PIGV: variants seen among roughly 807,000 people sequenced by gnomAD.
PIGV encodes GPI alpha-1,6-mannosyltransferase 2.
PIGV carries 27 observed loss-of-function variants against 39.2 expected under a neutral mutation model. That is an observed-to-expected ratio of 0.69 (90% CI 0.51 to 0.95). The LOEUF (loss-of-function observed/expected upper bound fraction) is 0.95, where lower values mean the gene tolerates loss of function less well. Among genes scored for constraint, PIGV ranks in the 40% least tolerant of loss-of-function variants. The pLI, the probability that PIGV is intolerant of heterozygous loss-of-function variation, is 0.00. For missense variants in PIGV, 523 were observed against 586.4 expected, an observed-to-expected ratio of 0.89 and a Z score of 1.12; for synonymous variants, 232 against 241.7, an observed-to-expected ratio of 0.96 and a Z score of 0.37.
chr1:26,798,673 C>CT lies in PIGV; in HGVS notation c.*830dup, dbSNP rs1477586638. Among the ~76,000 whole-genome samples, 2 of 152,222 alleles carry CT rather than the reference C, an allele frequency of 1.3e-5. No homozygotes were observed. The highest frequency in any genetic ancestry group is 4.8e-5 in the African/African-American group (2 of 41,468). On this transcript the variant is annotated 3_prime_UTR_variant, in exon 4 of 4. Coordinates refer to ENST00000674202, the MANE Select transcript of PIGV (RefSeq NM_017837.4). The stretch of plus-strand genomic sequence containing the variant: ...AGTGAGCTGAGTTTGCGCCACTGCG[C>CT]TCCAGCCTGGGCAACAGAGTGAGGC...
chr1:26,787,412 G>A (rs939462268), upstream of PIGV: 31 of 152,210 alleles, frequency 2.0e-4, no homozygotes, highest in African/African-American at 7.5e-4. Context: ...GACTAAAGTA[G>A]GACAGAAGGT....
At chr1:26,791,241 G>T (rs915777848) in intron 2 of PIGV, among the ~76,000 whole-genome samples, 2 of 152,174 alleles carry the variant, frequency 1.3e-5, no homozygotes, top group African/African-American at 4.8e-5. Flanking sequence ...CTTATAGGGT[G>T]GGACAGCTCA....
At chr1:26,790,917 G>A (rs780963384) in intron 2 of PIGV, 24 bp downstream of exon 2, 1 of 1,591,482 alleles carries the variant, frequency 6.3e-7, no homozygotes, top group Non-Finnish European at 8.6e-7. Context: ...CCTTTGTCCT[G>A]AATGTGCTAT....
chr1:26,799,098 G>T lies in PIGV; in HGVS notation c.*1254G>T, dbSNP rs2081422889. Among the ~76,000 whole-genome samples, 2 of 152,188 alleles carry T rather than the reference G, an allele frequency of 1.3e-5. No individual in the cohort carries two copies. Among genetic ancestry groups the T allele is most frequent in the South Asian group, 4.1e-4 (2 of 4,826 alleles). On this transcript the variant is annotated 3_prime_UTR_variant, in exon 4 of 4. Transcript: ENST00000674202. ...AAAATATCCAGTTCTCCTGTTTTCA[G>T]CAATTAGAAGAAACTCCTCCTCCAC...
At position 26,790,649 on chromosome 1, in the gene PIGV, T is replaced by C. The variant is rs1016161082; in HGVS notation, c.-57-110T>C. 9.9e-5 allele frequency: 63 copies of C among 637,128 alleles called. No homozygotes were observed. In the African/African-American group the frequency reaches 1.1e-3, roughly 11 times the overall value. 39.5% of individuals were successfully genotyped at this position (637,128 alleles called of 1,614,324 possible). On this transcript the variant is annotated intron_variant, in intron 1 of 3. Coordinates refer to ENST00000674202, the MANE Select transcript of PIGV (RefSeq NM_017837.4). ...CTTTCCCCTCATCTGGGAAGTTAGG[T>C]GGTTGGTTAAGTTTGTCATAGTAAT...
At chr1:26,796,279 C>T (rs950572343) in intron 3 of PIGV, among the ~76,000 whole-genome samples, 13 of 151,662 alleles carry the variant, frequency 8.6e-5, no homozygotes, top group Admixed American at 6.6e-5. Context: ...CGCCATTCTC[C>T]TGCCTCAGCC....
Position 26,797,942 on chromosome 1 carries a change from C to T in PIGV, c.*98C>T. On this transcript the variant is annotated 3_prime_UTR_variant, in exon 4 of 4. Coordinates refer to ENST00000674202, the MANE Select transcript of PIGV (RefSeq NM_017837.4). ...TGCCTCTGCTGCCCTGGGATCATTA[C>T]TGTGTCCATTATAATCTTTCTCTTT... The T allele has an allele frequency of 2.0e-6, 2 of 1,013,712 alleles. No homozygotes were observed. The highest frequency in any genetic ancestry group is 3.1e-6 in the Non-Finnish European group (2 of 641,050). The allele number at this position is 1,013,712 out of a possible 1,614,324, so 62.8% of individuals were successfully genotyped here. A position where few individuals can be genotyped will look rare whatever the true frequency, so the allele number is the denominator to read the frequency against.
intron 3 of PIGV, among the ~76,000 whole-genome samples, chr1:26,796,004 G>T (rs1051920145): frequency 6.7e-6 from 1 of 149,126 alleles, no homozygotes; most frequent in Non-Finnish European, 1.5e-5. Flanking sequence ...AATTCCAGGC[G>T]CCTGCCACCA....
At chr1:26,790,359 C>G (rs2081294070) in intron 1 of PIGV, among the ~76,000 whole-genome samples, 1 of 151,484 alleles carries the variant, frequency 6.6e-6, no homozygotes. Flanking sequence ...ACCATCATGA[C>G]AATTTTGTGA....
intron 3 of PIGV, 21 bp from the exon 4 acceptor site, chr1:26,797,542 T>C: frequency 6.2e-7 from 1 of 1,610,622 alleles, no homozygotes; most frequent in South Asian, 1.1e-5. Flanking sequence ...TGTCTGGATA[T>C]TCCCCTCTCA....
At chr1:26,788,328 G>A (rs2081264644) in intron 1 of PIGV, 60 bp downstream of exon 1, 1 of 152,386 alleles carries the variant, frequency 6.6e-6, no homozygotes, top group African/African-American at 2.4e-5. Flanking sequence ...GGCCAGAAAC[G>A]GGTTGCGGAC....
At chr1:26,796,195 G>T in intron 3 of PIGV, among the ~76,000 whole-genome samples, 1 of 143,090 alleles carries the variant, frequency 7.0e-6, no homozygotes, top group Non-Finnish European at 1.5e-5. Context: ...TTGAGACGGA[G>T]TCTTGCTCTG....
intron 2 of PIGV, among the ~76,000 whole-genome samples, chr1:26,792,072 G>A (rs1011252804): frequency 6.6e-6 from 1 of 152,110 alleles, no homozygotes; most frequent in Non-Finnish European, 1.5e-5. Flanking sequence ...TACCTATTGC[G>A]TTCCAAGAAC....
At chr1:26,789,800 AT>A (rs533958874) in intron 1 of PIGV, among the ~76,000 whole-genome samples, 29 of 150,498 alleles carry the variant, frequency 1.9e-4, no homozygotes, top group Non-Finnish European at 3.6e-4. Context: ...CTCAGTTCAA[AT>A]TTTTTTTTTC....
rs202211728 is a variant in PIGV at position 26,794,603 on chromosome 1, G to A, written c.569G>A (p.Trp190Ter). Reference protein sequence around the residue: ...AMGQLERGRVWTSVLLFAFAT... With the variant: ...AMGQLERGRV ...GGGCAGCTGGAGAGGGGCCGAGTCT[G>A]GACTAGTGTACTCCTCTTTGCCTTT... Residue 190 changes from tryptophan to a stop codon, truncating the protein, a stop_gained, in exon 3 of 4, where the codon TGG becomes TAG. Transcript: ENST00000674202. LOFTEE classifies it high-confidence loss of function. 1 of 1,614,240 alleles carries A rather than the reference G, an allele frequency of 6.2e-7. No homozygotes were observed. The highest frequency in any genetic ancestry group is 2.2e-5 in the East Asian group (1 of 44,888).
rs748692274 is a variant in PIGV at position 26,790,848 on chromosome 1, G to A, written c.33G>A (p.Val11=). Residue 11 remains valine (V), a synonymous_variant, in exon 2 of 4, where the codon GTG becomes GTA. Coordinates refer to ENST00000674202, the MANE Select transcript of PIGV (RefSeq NM_017837.4). The part of the protein sequence containing the change: MWPQDPSRKE[V]LRFAVSCRIL... ...CCCAGGACCCATCCCGGAAGGAGGT[G>A]CTGAGGTTTGCAGTCAGCTGCCGTA... is the stretch of plus-strand genomic sequence containing the variant. The A allele has an allele frequency of 3.1e-6, 5 of 1,614,028 alleles. No homozygotes were observed. The highest frequency in any genetic ancestry group is 2.2e-5 in the East Asian group (1 of 44,902).
rs748710132 is a variant in PIGV at position 26,797,843 on chromosome 1, G to C, written c.1481G>C (p.Ter494SerextTer74). 1.5e-5 allele frequency: 24 copies of C among 1,613,972 alleles called. No individual in the cohort carries two copies. Among genetic ancestry groups the C allele is most frequent in the Non-Finnish European group, 1.9e-5 (23 of 1,180,008 alleles). The change falls in exon 4 of 4, where the codon TGA (stop) becomes TCA (serine). Residue 494 changes from the stop codon to serine, a stop_lost. Coordinates refer to ENST00000674202, the MANE Select transcript of PIGV (RefSeq NM_017837.4). Reference protein sequence around the residue: ...LLHCNFLPWT* With the variant: ...LLHCNFLPWTS ...CATTGCAACTTCCTGCCTTGGACATGACCTGGACTCTCCAGGGACAGGTTG... is the reference window on the plus strand; with the variant it reads ...CATTGCAACTTCCTGCCTTGGACATCACCTGGACTCTCCAGGGACAGGTTG...
chr1:26,789,647 A>G (rs2081285705), intron 1 of PIGV, among the ~76,000 whole-genome samples: 1 of 152,230 alleles, frequency 6.6e-6, no homozygotes, highest in Non-Finnish European at 1.5e-5. Flanking sequence ...AATAGCAATA[A>G]CGGCAATAGG....
At position 26,794,389 on chromosome 1, in the gene PIGV, G is replaced by T. The variant is rs1436327969; in HGVS notation, c.355G>T (p.Val119Leu). ...LSLRSCLLIS[V>L]ASLNFLFFML... ...TCTACGCAGTTGCCTGCTGATTTCG[G>T]TAGCATCACTCAATTTCTTGTTCTT... Residue 119 changes from valine (V) to leucine (L), a missense_variant, in exon 3 of 4, where the codon GTA becomes TTA. Val to Leu is a conservative substitution (Grantham distance 32). Transcript: ENST00000674202. 8 of 1,614,102 alleles carry T rather than the reference G, an allele frequency of 5.0e-6. No homozygotes were observed. The highest frequency in any genetic ancestry group is 5.1e-6 in the Non-Finnish European group (6 of 1,180,040).
Sources: allele counts gnomAD v4.1 joint callset (sites outside exome capture counted in the v4.1 genomes callset), GRCh38; gene constraint gnomAD v4.1.1; transcripts MANE v1.5; gene names NCBI Gene and HGNC (gene_info 2026-07-23, HGNC 2026-07-21).